SYNJ2: variants seen among roughly 807,000 people sequenced by gnomAD.
The protein encoded by SYNJ2 is polyphosphatidylinositol phosphatase SYNJ2.
A neutral mutation model predicts 141.3 loss-of-function variants in SYNJ2; 116 were observed. That is an observed-to-expected ratio of 0.82 (90% CI 0.71 to 0.96). The LOEUF (loss-of-function observed/expected upper bound fraction) is 0.96, where lower values mean the gene tolerates loss of function less well. SYNJ2 is among the 40% of genes least tolerant of loss of function. SYNJ2 has a pLI of 0.00. For synonymous variants in SYNJ2, 745 were observed against 777.7 expected (o/e 0.96, Z 0.70); for missense variants, 1,873 against 1,934.8 (o/e 0.97, Z 0.60).
chr6:157,986,677 A>G (rs965229537), intron 1 of SYNJ2, among the ~76,000 whole-genome samples: 2 of 152,180 alleles, frequency 1.3e-5, no homozygotes, highest in African/African-American at 4.8e-5. Context: ...TCGTGATTTC[A>G]AATCTTACCA....
rs1562348276 is a variant in SYNJ2 at position 158,040,208 on chromosome 6, G to A, written c.712-3108G>A. ...TATGTGTACAGTGTGTGCGTGGTATGTGCATTTATGTGTTGTACATGTGTG... is the reference window on the plus strand; with the variant it reads ...TATGTGTACAGTGTGTGCGTGGTATATGCATTTATGTGTTGTACATGTGTG... On this transcript the variant is annotated intron_variant, in intron 4 of 26. Transcript: ENST00000355585. This position sits in a 1 kb window ranked among gnomAD's most constrained non-coding sequence, Gnocchi z 4.2. 6.7e-6 allele frequency among the ~76,000 whole-genome samples: 1 copy of A among 149,602 alleles called. No individual in the cohort carries two copies. Among genetic ancestry groups the A allele is most frequent in the Non-Finnish European group, 1.5e-5 (1 of 68,016 alleles).
At chr6:158,010,424 G>C (rs761033200) in intron 1 of SYNJ2, among the ~76,000 whole-genome samples, 5 of 152,260 alleles carry the variant, frequency 3.3e-5, no homozygotes, top group Non-Finnish European at 7.3e-5. Context: ...GAGGCTGCCA[G>C]GCCCCTGCCT....
chr6:157,981,774 C>T (rs942905807), upstream of SYNJ2: 2 of 458,834 alleles, frequency 4.4e-6, no homozygotes, highest in Admixed American at 4.7e-5. This position sits in a 1 kb window ranked among gnomAD's most constrained non-coding sequence, Gnocchi z 6.4. Context: ...CCCTCACCTG[C>T]CCCAGGCTGG....
rs537237084 is a variant in SYNJ2, at chr6:158,053,039, T to C, written c.796-1928T>C. Among the ~76,000 whole-genome samples, 13 of 152,306 alleles carry C rather than the reference T, an allele frequency of 8.5e-5. No individual in the cohort carries two copies. In the East Asian group the frequency reaches 1.3e-3, roughly 16 times the overall value. ...CTTTCTGTCTTTCAAAACATTGATG[T>C]TTTTGGAGAATGCAAGCCTTCTTTT... On this transcript the variant is annotated intron_variant, in intron 5 of 26. Coordinates refer to ENST00000355585, the MANE Select transcript of SYNJ2 (RefSeq NM_003898.4).
At chr6:158,068,031 A>C in intron 12 of SYNJ2, 2 of 972,918 alleles carry the variant, frequency 2.1e-6, no homozygotes, top group Non-Finnish European at 2.4e-6. Flanking sequence ...AGACACTAGC[A>C]GGCTCCCCAG....
chr6:158,071,460 C>T lies in SYNJ2; in HGVS notation c.1941-142C>T, dbSNP rs1007287076. Reference sequence around the variant, plus strand: ...CCTGACCAGGAGTCGATGACGGCCACGGTGGCCACTGTGTTGAGCTGATGA... The same window carrying T: ...CCTGACCAGGAGTCGATGACGGCCATGGTGGCCACTGTGTTGAGCTGATGA... On this transcript the variant is annotated intron_variant, in intron 14 of 26. Coordinates refer to ENST00000355585, the MANE Select transcript of SYNJ2 (RefSeq NM_003898.4). The surrounding 1 kb of genome is among the most constrained non-coding windows in gnomAD (Gnocchi z 4.3). 3.6e-4 allele frequency: 334 copies of T among 932,586 alleles called. No homozygotes were observed. The highest frequency in any genetic ancestry group is 9.7e-4 in the Admixed American group (33 of 34,014). The allele number at this position is 932,586 out of a possible 1,614,324, so 57.8% of individuals were successfully genotyped here. A position where few individuals can be genotyped will look rare whatever the true frequency, so the allele number is the denominator to read the frequency against.
intron 2 of SYNJ2, among the ~76,000 whole-genome samples, chr6:158,023,335 G>A (rs768566818): frequency 1.3e-5 from 2 of 151,984 alleles, no homozygotes; most frequent in Non-Finnish European, 2.9e-5. Flanking sequence ...CAGTCAGGCT[G>A]TCAATGAGAT....
intron 11 of SYNJ2, among the ~76,000 whole-genome samples, chr6:158,066,110 A>G (rs1008186789): frequency 6.6e-6 from 1 of 152,130 alleles, no homozygotes; most frequent in Admixed American, 6.5e-5. Flanking sequence ...TTGTTCTTCT[A>G]CGGAGTGGAC....
At chr6:158,056,691 G>A (rs1780888528) in intron 6 of SYNJ2, among the ~76,000 whole-genome samples, 1 of 152,236 alleles carries the variant, frequency 6.6e-6, no homozygotes, top group African/African-American at 2.4e-5. Flanking sequence ...TGTCCTGGGT[G>A]CTTCCCAATT....
At position 158,071,459 on chromosome 6, in the gene SYNJ2, A is replaced by G. The variant is rs1781916794; in HGVS notation, c.1941-143A>G. On this transcript the variant is annotated intron_variant, in intron 14 of 26. Transcript: ENST00000355585. This position sits in a 1 kb window ranked among gnomAD's most constrained non-coding sequence, Gnocchi z 4.3. ...TCCTGACCAGGAGTCGATGACGGCC[A>G]CGGTGGCCACTGTGTTGAGCTGATG... 15 of 916,728 alleles carry G rather than the reference A, an allele frequency of 1.6e-5. No individual in the cohort carries two copies. Among genetic ancestry groups the G allele is most frequent in the Non-Finnish European group, 2.2e-5 (14 of 624,866 alleles). 56.8% of individuals were successfully genotyped at this position (916,728 alleles called of 1,614,324 possible). A position where few individuals can be genotyped will look rare whatever the true frequency, so the allele number is the denominator to read the frequency against.
At chr6:158,080,980 G>A (rs1782638904) in intron 18 of SYNJ2, 129 bp from the exon 19 acceptor site, 1 of 834,468 alleles carries the variant, frequency 1.2e-6, no homozygotes, top group African/African-American at 1.7e-5. Flanking sequence ...AAAGAGCCCT[G>A]GGGGACAGCA....
At position 158,088,757 on chromosome 6, in the gene SYNJ2, A is replaced by G. The variant is rs757123384; in HGVS notation, c.3441A>G (p.Gly1147=). The G allele has an allele frequency of 4.3e-6, 7 of 1,613,206 alleles. No homozygotes were observed. In the Admixed American group the frequency reaches 1.2e-4, roughly 27 times the overall value. Reference sequence around the variant, plus strand: ...TGCAGACGGCAAGACTTCTACCAGGAGCACCTCAGCAACCTGTGAGTTCTT... The same window carrying G: ...TGCAGACGGCAAGACTTCTACCAGGGGCACCTCAGCAACCTGTGAGTTCTT... ...SILQTARLLP[G]APQQPPKART... The change falls in exon 24 of 27, where the codon GGA becomes GGG. Residue 1147 remains glycine (G), a synonymous_variant. Coordinates refer to ENST00000355585, the MANE Select transcript of SYNJ2 (RefSeq NM_003898.4).
intron 26 of SYNJ2, 133 bp downstream of exon 26, chr6:158,093,237 C>G (rs1783582706): frequency 1.0e-6 from 1 of 953,614 alleles, no homozygotes; most frequent in Non-Finnish European, 1.5e-6. Context: ...AGTTCAAGAC[C>G]AGCCTGACCA....
At chr6:158,028,611 A>T in intron 2 of SYNJ2, 145 bp from the exon 3 acceptor site, 1 of 1,066,100 alleles carries the variant, frequency 9.4e-7, no homozygotes, top group Non-Finnish European at 1.4e-6. Context: ...TGAGCCATTG[A>T]GTTGGGCAAT....
At chr6:158,024,022 G>A (rs894367883) in intron 2 of SYNJ2, among the ~76,000 whole-genome samples, 96 of 152,284 alleles carry the variant, frequency 6.3e-4, no homozygotes, top group African/African-American at 2.3e-3. Context: ...CTACAAAAAT[G>A]AAAACTAGAA....
intron 23 of SYNJ2, among the ~76,000 whole-genome samples, chr6:158,087,579 C>T (rs934187060): frequency 6.6e-6 from 1 of 152,238 alleles, no homozygotes; most frequent in Non-Finnish European, 1.5e-5. Flanking sequence ...CATTTTCCCA[C>T]CACTGTTTAC....
At position 158,064,835 on chromosome 6, in the gene SYNJ2, C is replaced by G. The variant is rs765297573; in HGVS notation, c.1369C>G (p.Leu457Val). Residue 457 changes from leucine (L) to valine (V), a missense_variant, in exon 11 of 27, where the codon CTG becomes GTG. Transcript: ENST00000355585. ...ALEGKAKVGK[L>V]KDGARSMSRT... is the part of the protein sequence containing the mutation. ...TCTGGGCTCTCGGCAGGTGGGGAAG[C>G]TGAAGGATGGAGCCCGGTCCATGTC... is the stretch of plus-strand genomic sequence containing the variant. The G allele has an allele frequency of 6.2e-7, 1 of 1,608,440 alleles. No homozygotes were observed. Among genetic ancestry groups the G allele is most frequent in the Middle Eastern group, 1.7e-4 (1 of 6,034 alleles).
intron 6 of SYNJ2, among the ~76,000 whole-genome samples, chr6:158,056,069 G>A (rs889672168): frequency 7.9e-5 from 12 of 152,146 alleles, no homozygotes; most frequent in African/African-American, 2.2e-4. Context: ...GTGACAGAGC[G>A]AGACTCCATC....
intron 13 of SYNJ2, 59 bp from the exon 14 acceptor site, chr6:158,069,474 T>C: frequency 6.4e-7 from 1 of 1,572,330 alleles, no homozygotes; most frequent in Non-Finnish European, 8.7e-7. Flanking sequence ...ATTTGGTAGG[T>C]GGGAGATAGA....
Sources: gnomAD v4.1 joint callset for allele counts (sites outside exome capture counted in the v4.1 genomes callset) on GRCh38, gnomAD v4.1.1 for gene constraint, Gnocchi (gnomAD v3.1) non-coding constraint, MANE v1.5 for transcripts, NCBI Gene and HGNC (gene_info 2026-07-23, HGNC 2026-07-21) for gene names.